The following IARS1 variants were observed in gnomAD, a reference collection of about 807,000 sequenced individuals.
The protein encoded by IARS1 is isoleucyl-tRNA synthetase 1, also known as isoleucine--tRNA ligase, cytoplasmic.
A neutral mutation model predicts 168.2 loss-of-function variants in IARS1; 124 were observed. The ratio of observed to expected loss-of-function variants is 0.74; its 90% CI spans 0.64 to 0.86. The LOEUF is 0.86. IARS1 is among the 40% of genes least tolerant of loss of function. The probability of loss-of-function intolerance (pLI) is 0.00; values close to 1 mark genes in which losing one functional copy is unlikely to be tolerated. For synonymous variants in IARS1, 532 were observed against 529.4 expected (o/e 1.00, Z -0.07); for missense variants, 1,452 against 1,515.8 (o/e 0.96, Z 0.70).
chr9:92,211,890 C>T (rs371978228), intron 33 of IARS1, among the ~76,000 whole-genome samples: 3 of 151,848 alleles, frequency 2.0e-5, no homozygotes, highest in African/African-American at 7.2e-5. Flanking sequence ...ATACAGGATC[C>T]AATATGGCCA....
chr9:92,239,820 C>T (rs1828098290), intron 30 of IARS1, among the ~76,000 whole-genome samples: 1 of 152,096 alleles, frequency 6.6e-6, no homozygotes, highest in Non-Finnish European at 1.5e-5. Context: ...CCAGGCTCCC[C>T]ACTTGGCCTT....
chr9:92,224,411 C>A (rs1401813832), intron 31 of IARS1, among the ~76,000 whole-genome samples: 1 of 152,260 alleles, frequency 6.6e-6, no homozygotes, highest in African/African-American at 2.4e-5. Context: ...TTCATGGACA[C>A]TGGCCAATAG....
At chr9:92,268,898 G>C (rs1832658839) in intron 13 of IARS1, among the ~76,000 whole-genome samples, 1 of 151,990 alleles carries the variant, frequency 6.6e-6, no homozygotes, top group African/African-American at 2.4e-5. Context: ...CCCACTCCCA[G>C]TACTCTTTAT....
intron 20 of IARS1, among the ~76,000 whole-genome samples, chr9:92,255,596 C>A (rs1830605203): frequency 6.6e-6 from 1 of 152,146 alleles, no homozygotes; most frequent in Non-Finnish European, 1.5e-5. Context: ...TCTGACTTTT[C>A]TAATTTTTCT....
chr9:92,273,367 T>C (rs1833360552), intron 10 of IARS1, among the ~76,000 whole-genome samples: 1 of 152,142 alleles, frequency 6.6e-6, no homozygotes. Context: ...ATATTTATAC[T>C]GAAAATAAAA....
intron 31 of IARS1, among the ~76,000 whole-genome samples, chr9:92,226,499 T>C (rs1825703765): frequency 6.6e-6 from 1 of 152,226 alleles, no homozygotes; most frequent in Non-Finnish European, 1.5e-5. Context: ...TTCAGATTCA[T>C]AAAATGAGTA....
Position 92,244,990 on chromosome 9 carries a change from G to A in IARS1, c.2873C>T (p.Thr958Ile). The A allele has an allele frequency of 6.2e-7, 1 of 1,614,098 alleles. No homozygotes were observed. Among genetic ancestry groups the A allele is most frequent in the Non-Finnish European group, 8.5e-7 (1 of 1,180,004 alleles). ...ATCTGAGTGTGCTTCAAATTGCGCA[G>A]TCCCACCTGTGGCCTGATCAAAGGT... ...MYTFDQATGG[T>I]AQFEAHSDAQ... is the part of the protein sequence containing the mutation. Residue 958 changes from threonine (T) to isoleucine (I), a missense_variant, in exon 27 of 34, where the codon ACT (threonine) becomes ATT (isoleucine). By Grantham distance (89) the Thr-to-Ile change is moderately conservative. Coordinates refer to ENST00000443024, the MANE Select transcript of IARS1 (RefSeq NM_002161.6).
chr9:92,252,764 C>CAAAAAAAAAAAAAAAAAAAAAAA lies in IARS1; in HGVS notation c.2229+575_2229+597dup, dbSNP rs34983021. On this transcript the variant is annotated intron_variant, in intron 21 of 33. Transcript: ENST00000443024. ...GGGTGACAAGAGTGAAACTCCTTCT[C>CAAAAAAAAAAAAAAAAAAAAAAA]AAAAAAAAAAAAAAAAAAAAAAAAA... Among the ~76,000 whole-genome samples the CAAAAAAAAAAAAAAAAAAAAAAA allele has an allele frequency of 1.5e-4, 4 of 27,236 alleles. 1 individual carries two copies. Among genetic ancestry groups the CAAAAAAAAAAAAAAAAAAAAAAA allele is most frequent in the African/African-American group, 2.9e-4 (2 of 6,880 alleles). The allele number at this position is 27,236 out of a possible 152,430, so 17.9% of individuals were successfully genotyped here. A position where few individuals can be genotyped will look rare whatever the true frequency, so the allele number is the denominator to read the frequency against.
chr9:92,237,631 ACT>A (rs1295735009), intron 30 of IARS1, among the ~76,000 whole-genome samples: 1 of 151,618 alleles, frequency 6.6e-6, no homozygotes, highest in Non-Finnish European at 1.5e-5. Context: ...GTATTTTGTA[ACT>A]CTTTTGTTAG....
chr9:92,265,659 T>TTTTTCC, intron 14 of IARS1, 106 bp from the exon 15 acceptor site: 1 of 923,132 alleles, frequency 1.1e-6, no homozygotes, highest in Non-Finnish European at 1.7e-6. Flanking sequence ...GATGATTTTC[T>TTTTTCC]TTTTCCTTTT....
intron 33 of IARS1, among the ~76,000 whole-genome samples, chr9:92,214,856 C>G (rs1436800558): frequency 6.6e-6 from 1 of 152,254 alleles, no homozygotes; most frequent in East Asian, 1.9e-4. Context: ...GGGGCGCCCG[C>G]CATTGCCCAG....
intron 25 of IARS1, among the ~76,000 whole-genome samples, chr9:92,247,840 T>C (rs1344489090): frequency 6.6e-6 from 1 of 152,188 alleles, no homozygotes; most frequent in Non-Finnish European, 1.5e-5. Flanking sequence ...TCCACTTATA[T>C]GAAATGTCCA....
intron 14 of IARS1, among the ~76,000 whole-genome samples, chr9:92,267,240 C>T (rs967082670): frequency 6.6e-6 from 1 of 152,192 alleles, no homozygotes; most frequent in African/African-American, 2.4e-5. Context: ...CGTTCTCACC[C>T]AGGGAGCTTC....
In IARS1 at chr9:92,277,931, A is replaced by C; in HGVS notation, c.834-8T>G. 1.9e-6 allele frequency: 3 copies of C among 1,612,862 alleles called. No homozygotes were observed. Among genetic ancestry groups the C allele is most frequent in the Non-Finnish European group, 2.5e-6 (3 of 1,179,088 alleles). The stretch of plus-strand genomic sequence containing the variant: ...AGATAGGCACCAGGAAATCTAGAAA[A>C]GGAGAAAGGCAAACTCACAATTAGA... On this transcript the variant is annotated splice_polypyrimidine_tract_variant and splice_region_variant and intron_variant, in intron 8 of 33. Coordinates refer to ENST00000443024, the MANE Select transcript of IARS1 (RefSeq NM_002161.6).
intron 10 of IARS1, among the ~76,000 whole-genome samples, chr9:92,273,346 G>A (rs1181311397): frequency 6.6e-6 from 1 of 152,098 alleles, no homozygotes; most frequent in African/African-American, 2.4e-5. Flanking sequence ...AGGAATTGCT[G>A]ACTTTATTGG....
chr9:92,262,644 G>A (rs1279244302), intron 17 of IARS1, among the ~76,000 whole-genome samples: 1 of 152,074 alleles, frequency 6.6e-6, no homozygotes, highest in African/African-American at 2.4e-5. Flanking sequence ...TTAAAAAAAG[G>A]ACAACAAAAT....
intron 30 of IARS1, among the ~76,000 whole-genome samples, chr9:92,234,556 A>T (rs1266162121): frequency 6.6e-6 from 1 of 152,212 alleles, no homozygotes; most frequent in Admixed American, 6.5e-5. Context: ...ATCACTGCTC[A>T]TGCTGCTGGC....
At chr9:92,219,837 A>G (rs1398188190) in intron 33 of IARS1, among the ~76,000 whole-genome samples, 1 of 149,048 alleles carries the variant, frequency 6.7e-6, no homozygotes, top group Non-Finnish European at 1.5e-5. Flanking sequence ...AAACTAGTTC[A>G]ACCATTGTGG....
At chr9:92,289,248 C>T in intron 2 of IARS1, 53 bp downstream of exon 2, 1 of 636,046 alleles carries the variant, frequency 1.6e-6, no homozygotes, top group Non-Finnish European at 2.9e-6. Context: ...TAATGGAATT[C>T]AGTCTAAGAA....
Sources: allele counts gnomAD v4.1 joint callset (sites outside exome capture counted in the v4.1 genomes callset), GRCh38; gene constraint gnomAD v4.1.1; transcripts MANE v1.5; gene names NCBI Gene and HGNC (gene_info 2026-07-23, HGNC 2026-07-21).